The following CREBL2 variants were observed in gnomAD, a reference collection of about 807,000 sequenced individuals.
The protein encoded by CREBL2 is cAMP responsive element binding protein like 2.
In CREBL2, 4 loss-of-function variants were observed where a neutral mutation model predicts 19.5. The observed-to-expected ratio is 0.20, with a 90% CI of 0.10 to 0.47. The LOEUF is 0.47. CREBL2 is among the 20% of genes least tolerant of loss of function. The probability of loss-of-function intolerance (pLI) is 0.98; values close to 1 mark genes in which losing one functional copy is unlikely to be tolerated. For missense variants in CREBL2, 85 were observed against 145.1 expected (o/e 0.59, Z 2.13); for synonymous variants, 42 against 46.6 (o/e 0.90, Z 0.40).
intron 1 of CREBL2, among the ~76,000 whole-genome samples, chr12:12,627,106 G>C (rs1306843041): frequency 6.6e-6 from 1 of 152,074 alleles, no homozygotes; most frequent in Non-Finnish European, 1.5e-5. Flanking sequence ...AGACGATTCT[G>C]TATGATACTG....
At chr12:12,634,359 G>A (rs1280812066) in intron 1 of CREBL2, among the ~76,000 whole-genome samples, 1 of 152,170 alleles carries the variant, frequency 6.6e-6, no homozygotes, top group Non-Finnish European at 1.5e-5. Context: ...TTGTGCCTAG[G>A]CAGGTAATTG....
intron 1 of CREBL2, among the ~76,000 whole-genome samples, chr12:12,625,892 A>C (rs1945397720): frequency 6.6e-6 from 1 of 152,188 alleles, no homozygotes; most frequent in African/African-American, 2.4e-5. Flanking sequence ...TGTTTGGGAC[A>C]AAGTGGGTAT....
At chr12:12,626,675 A>G (rs936722361) in intron 1 of CREBL2, among the ~76,000 whole-genome samples, 2 of 152,190 alleles carry the variant, frequency 1.3e-5, no homozygotes, top group Non-Finnish European at 2.9e-5. Context: ...ATTCCAGAAC[A>G]GTTCTATCAC....
rs1214264785 is a variant in CREBL2 at position 12,644,359 on chromosome 12, A to G, written c.*2361A>G. Reference sequence around the variant, plus strand: ...TCCCTTTCCAGTGAAGGAGCAGCATAGTGAAATCCTGGCACCCCTCACCTT... The same window carrying G: ...TCCCTTTCCAGTGAAGGAGCAGCATGGTGAAATCCTGGCACCCCTCACCTT... On this transcript the variant is annotated 3_prime_UTR_variant, in exon 4 of 4. Coordinates refer to ENST00000228865, the MANE Select transcript of CREBL2 (RefSeq NM_001310.4). The G allele has an allele frequency of 6.6e-6, 1 of 152,300 alleles. No homozygotes were observed. Among genetic ancestry groups the G allele is most frequent in the Non-Finnish European group, 1.5e-5 (1 of 68,040 alleles). 9.4% of individuals were successfully genotyped at this position (152,300 alleles called of 1,614,324 possible).
At chr12:12,618,250 C>T (rs1399912503) in intron 1 of CREBL2, among the ~76,000 whole-genome samples, 3 of 149,810 alleles carry the variant, frequency 2.0e-5, no homozygotes, top group Non-Finnish European at 4.4e-5. Context: ...GGCTGCCGGG[C>T]GGAGACGCTC....
chr12:12,631,958 A>C (rs919373134), intron 1 of CREBL2, among the ~76,000 whole-genome samples: 2 of 151,226 alleles, frequency 1.3e-5, no homozygotes, highest in Non-Finnish European at 2.9e-5. Flanking sequence ...CATTTGGTTT[A>C]TTACTGAGAA....
At chr12:12,633,413 C>T (rs142929165) in intron 1 of CREBL2, among the ~76,000 whole-genome samples, 118 of 151,940 alleles carry the variant, frequency 7.8e-4, no homozygotes, top group African/African-American at 2.5e-3. Context: ...CCAGCCTGGG[C>T]GACAAGAGTA....
chr12:12,641,253 A>ATTTTTTTTTTTTTT (rs142404101), intron 3 of CREBL2, among the ~76,000 whole-genome samples: 44 of 78,220 alleles, frequency 5.6e-4, no homozygotes, highest in East Asian at 1.2e-3. Context: ...TATTATTATT[A>ATTTTTTTTTTTTTT]TTTTTTTTTA....
chr12:12,619,272 C>T (rs1014287766), intron 1 of CREBL2, among the ~76,000 whole-genome samples: 2 of 152,062 alleles, frequency 1.3e-5, no homozygotes, highest in African/African-American at 4.8e-5. Context: ...TCTCCTGAGG[C>T]CACCTCCATG....
At chr12:12,613,162 G>T (rs773970617) in intron 1 of CREBL2, among the ~76,000 whole-genome samples, 1 of 152,214 alleles carries the variant, frequency 6.6e-6, no homozygotes, top group African/African-American at 2.4e-5. Flanking sequence ...GAGCCACCGC[G>T]CCTGGCCGCC....
chr12:12,626,838 C>T (rs1017432114), intron 1 of CREBL2, among the ~76,000 whole-genome samples: 1 of 148,350 alleles, frequency 6.7e-6, no homozygotes, highest in Non-Finnish European at 1.5e-5. Flanking sequence ...GAGTCTGAGA[C>T]CAGCCTGGGC....
At chr12:12,631,278 C>T (rs1420779009) in intron 1 of CREBL2, among the ~76,000 whole-genome samples, 9 of 152,124 alleles carry the variant, frequency 5.9e-5, no homozygotes, top group Non-Finnish European at 1.2e-4. Context: ...GGTAGGGAGA[C>T]AGGTCTTTAT....
intron 1 of CREBL2, among the ~76,000 whole-genome samples, chr12:12,635,112 C>A (rs937368407): frequency 6.6e-6 from 1 of 152,010 alleles, no homozygotes; most frequent in Admixed American, 6.5e-5. Flanking sequence ...TTACTCCTAG[C>A]ACCTTGGGAG....
chr12:12,632,074 T>TTTTTTTTC (rs1566112117), intron 1 of CREBL2, among the ~76,000 whole-genome samples: 3 of 120,968 alleles, frequency 2.5e-5, no homozygotes, highest in African/African-American at 9.9e-5. Flanking sequence ...CTTTCTTTTT[T>TTTTTTTTC]TTTTTTTTTT....
chr12:12,638,122 A>C (rs1272820705), intron 3 of CREBL2, among the ~76,000 whole-genome samples: 1 of 152,016 alleles, frequency 6.6e-6, no homozygotes, highest in Non-Finnish European at 1.5e-5. Context: ...TGCCATTTTT[A>C]ATACACTAAT....
At chr12:12,618,779 G>C (rs182705690) in intron 1 of CREBL2, among the ~76,000 whole-genome samples, 239 of 152,300 alleles carry the variant, frequency 1.6e-3, no homozygotes, top group South Asian at 3.3e-3. Flanking sequence ...CTGCAATCCC[G>C]GCACCTCGGG....
At chr12:12,628,004 C>T (rs745748847) in intron 1 of CREBL2, among the ~76,000 whole-genome samples, 4 of 152,078 alleles carry the variant, frequency 2.6e-5, no homozygotes, top group South Asian at 2.1e-4. Flanking sequence ...CTCAGCCTCC[C>T]GAGTAGCTGG....
At position 12,613,887 on chromosome 12, in the gene CREBL2, C is replaced by G. The variant is rs183312443; in HGVS notation, c.15+1700C>G. ...ATTTCCAAGACAGAAGGGTAGCGTT[C>G]TAAAAGTTTTCCAGAAAAATCAGCA... On this transcript the variant is annotated intron_variant, in intron 1 of 3. Coordinates refer to ENST00000228865, the MANE Select transcript of CREBL2 (RefSeq NM_001310.4). 3.5e-5 allele frequency among the ~76,000 whole-genome samples: 5 copies of G among 142,380 alleles called. No individual in the cohort carries two copies. In the Admixed American group the frequency reaches 3.5e-4, roughly 10 times the overall value. 93.4% of individuals were successfully genotyped at this position (142,380 alleles called of 152,430 possible).
chr12:12,641,255 TTTTTTTTA>T lies in CREBL2; in HGVS notation c.359-731_359-724del, dbSNP rs1284734027. On this transcript the variant is annotated intron_variant, in intron 3 of 3. Coordinates refer to ENST00000228865, the MANE Select transcript of CREBL2 (RefSeq NM_001310.4). ...TTATTATTATTATTATTATTATTAT[TTTTTTTTA>T]TTTTTTTTTTTTTTAGGTCAACCTC... Among the ~76,000 whole-genome samples, 677 of 93,528 alleles carry T rather than the reference TTTTTTTTA, an allele frequency of 7.2e-3. 26 individuals are homozygous for T. Among genetic ancestry groups the T allele is most frequent in the African/African-American group, 0.024 (617 of 25,486 alleles). 61.4% of individuals were successfully genotyped at this position (93,528 alleles called of 152,430 possible). A position where few individuals can be genotyped will look rare whatever the true frequency, so the allele number is the denominator to read the frequency against.
Sources: gnomAD v4.1 joint callset for allele counts (sites outside exome capture counted in the v4.1 genomes callset) on GRCh38, gnomAD v4.1.1 for gene constraint, MANE v1.5 for transcripts, NCBI Gene and HGNC (gene_info 2026-07-23, HGNC 2026-07-21) for gene names.